KLHL1: variants seen among roughly 807,000 people sequenced by gnomAD.
KLHL1 encodes the protein kelch like family member 1.
In KLHL1, 47 loss-of-function variants were observed where a neutral mutation model predicts 77.7. That is an observed-to-expected ratio of 0.60 (90% CI 0.48 to 0.77). KLHL1 has a LOEUF of 0.77. KLHL1 is among the 30% of genes least tolerant of loss of function. The probability of loss-of-function intolerance (pLI) is 0.00; values close to 1 mark genes in which losing one functional copy is unlikely to be tolerated. For missense variants in KLHL1, 925 were observed against 910.8 expected (o/e 1.02, Z -0.20); for synonymous variants, 360 against 325.2 (o/e 1.11, Z -1.15).
chr13:69,779,272 C>G (rs970675079), intron 7 of KLHL1, among the ~76,000 whole-genome samples: 7 of 152,084 alleles, frequency 4.6e-5, no homozygotes, highest in African/African-American at 1.4e-4. Context: ...GAGGGTTTTC[C>G]TAAGTTTTAC....
chr13:69,934,514 A>G lies in KLHL1; in HGVS notation c.1014+5526T>C, dbSNP rs1163384167. Among the ~76,000 whole-genome samples the G allele has an allele frequency of 2.6e-5, 4 of 152,034 alleles. No homozygotes were observed. The South Asian group carries it at 8.3e-4, about 32-fold the overall frequency. On this transcript the variant is annotated intron_variant, in intron 4 of 10. Transcript: ENST00000377844. ...CTAGGGTATACTAATCTCTATTCTT[A>G]GTTTCTCTTCTTGCCTTCCTTTTAT...
At chr13:70,000,805 T>C (rs1885268993) in intron 1 of KLHL1, among the ~76,000 whole-genome samples, 1 of 151,544 alleles carries the variant, frequency 6.6e-6, no homozygotes, top group Non-Finnish European at 1.5e-5. Context: ...CAGACTTATA[T>C]ATGTTTATTT....
rs529856347 is a variant in KLHL1, at chr13:69,852,674, C to T, written c.1228-13512G>A. Among the ~76,000 whole-genome samples, 26 of 152,034 alleles carry T rather than the reference C, an allele frequency of 1.7e-4. 1 individual carries two copies. The South Asian group carries it at 5.2e-3, about 30-fold the overall frequency. On this transcript the variant is annotated intron_variant, in intron 5 of 10. Transcript: ENST00000377844. ...TTACTCTGATCAAAGCCCAACATAC[C>T]TCTTTTGATCAACATCAGTGAAATA...
At chr13:69,993,516 G>A (rs1206922461) in intron 1 of KLHL1, among the ~76,000 whole-genome samples, 1 of 152,014 alleles carries the variant, frequency 6.6e-6, no homozygotes, top group African/African-American at 2.4e-5. Context: ...AGAGGTCGGT[G>A]TATTATTTTT....
chr13:69,939,322 T>C (rs1269722412), intron 4 of KLHL1, among the ~76,000 whole-genome samples: 2 of 118,732 alleles, frequency 1.7e-5, no homozygotes, highest in African/African-American at 6.7e-5. Flanking sequence ...TACACACTCA[T>C]ATATATACAT....
chr13:69,990,616 C>T (rs557659157), intron 1 of KLHL1, among the ~76,000 whole-genome samples: 122 of 151,990 alleles, frequency 8.0e-4, no homozygotes, highest in African/African-American at 2.8e-3. Flanking sequence ...AACAAGAAGA[C>T]CTAACTATCC....
intron 2 of KLHL1, among the ~76,000 whole-genome samples, chr13:69,974,778 A>G (rs1884494405): frequency 6.6e-6 from 1 of 152,078 alleles, no homozygotes; most frequent in Non-Finnish European, 1.5e-5. Context: ...CTAGCTCAGG[A>G]TAATTTGTGG....
chr13:69,789,897 A>T (rs1244884785), intron 7 of KLHL1, among the ~76,000 whole-genome samples: 2 of 152,168 alleles, frequency 1.3e-5, no homozygotes, highest in Non-Finnish European at 1.5e-5. Context: ...TTGGAGGAGA[A>T]TGTAACTTAG....
chr13:69,776,157 G>GA (rs144965631), intron 7 of KLHL1, among the ~76,000 whole-genome samples: 5,288 of 149,432 alleles, frequency 0.035, 303 homozygotes, highest in African/African-American at 0.12. Context: ...CTCCGTCTCG[G>GA]AAAAAAAAAT....
chr13:69,957,573 A>C (rs1200506743), intron 3 of KLHL1, among the ~76,000 whole-genome samples: 1 of 151,728 alleles, frequency 6.6e-6, no homozygotes, highest in Non-Finnish European at 1.5e-5. Context: ...TCTAATATAC[A>C]CCGTGACCCT....
At chr13:69,953,158 T>G (rs1566439785) in intron 3 of KLHL1, among the ~76,000 whole-genome samples, 1 of 151,270 alleles carries the variant, frequency 6.6e-6, no homozygotes, top group Non-Finnish European at 1.5e-5. Context: ...AAAATAAAAT[T>G]AGACTTAAAA....
intron 4 of KLHL1, among the ~76,000 whole-genome samples, chr13:69,939,478 A>G (rs947904446): frequency 2.0e-5 from 3 of 151,222 alleles, no homozygotes; most frequent in Non-Finnish European, 4.4e-5. Flanking sequence ...CACACCAAGT[A>G]CAATATGCTG....
intron 7 of KLHL1, among the ~76,000 whole-genome samples, chr13:69,746,126 AAAAAG>A (rs1187727269): frequency 6.6e-6 from 1 of 151,678 alleles, no homozygotes; most frequent in African/African-American, 2.4e-5. Flanking sequence ...ATCAATAAAT[AAAAAG>A]AAAATAGTTC....
At chr13:69,860,028 T>C (rs1424314) in intron 5 of KLHL1, among the ~76,000 whole-genome samples, 48,433 of 151,860 alleles carry the variant, frequency 0.32, 8,243 homozygotes, top group African/African-American at 0.45. Flanking sequence ...ATTCACTCAA[T>C]TGTTAGGGAT....
At chr13:70,101,281 A>C (rs957971892) in intron 1 of KLHL1, among the ~76,000 whole-genome samples, 2 of 151,970 alleles carry the variant, frequency 1.3e-5, no homozygotes, top group Non-Finnish European at 2.9e-5. Context: ...TTCAACTAGC[A>C]TGTTTCATTG....
At chr13:70,055,857 T>C (rs1350618618) in intron 1 of KLHL1, among the ~76,000 whole-genome samples, 1 of 151,618 alleles carries the variant, frequency 6.6e-6, no homozygotes, top group South Asian at 2.1e-4. Context: ...TAAATCATAC[T>C]ACCAGATAAA....
At chr13:69,996,681 T>G (rs1885160104) in intron 1 of KLHL1, among the ~76,000 whole-genome samples, 1 of 152,074 alleles carries the variant, frequency 6.6e-6, no homozygotes, top group African/African-American at 2.4e-5. Flanking sequence ...TAGGAAGAAC[T>G]TTAATTACCT....
intron 8 of KLHL1, among the ~76,000 whole-genome samples, chr13:69,733,974 G>A (rs911725176): frequency 2.6e-5 from 4 of 152,112 alleles, no homozygotes; most frequent in African/African-American, 9.7e-5. Flanking sequence ...GTTGAGTGTA[G>A]GAGAATGAAT....
intron 4 of KLHL1, among the ~76,000 whole-genome samples, chr13:69,925,856 G>A (rs1882798049): frequency 6.6e-6 from 1 of 152,134 alleles, no homozygotes; most frequent in Non-Finnish European, 1.5e-5. Flanking sequence ...TATACTGTGT[G>A]AGTTATGGTT....
Sources: gnomAD v4.1 joint callset for allele counts (sites outside exome capture counted in the v4.1 genomes callset) on GRCh38, gnomAD v4.1.1 for gene constraint, MANE v1.5 for transcripts, NCBI Gene and HGNC (gene_info 2026-07-23, HGNC 2026-07-21) for gene names.